The following HSD17B12 variants were observed in gnomAD, a reference collection of about 807,000 sequenced individuals.
HSD17B12 encodes very-long-chain 3-oxoacyl-CoA reductase.
In HSD17B12, 32 loss-of-function variants were observed where a neutral mutation model predicts 39.3. That is an observed-to-expected ratio of 0.81 (90% CI 0.61 to 1.09). The LOEUF is 1.09. HSD17B12 is among the 50% of genes least tolerant of loss of function. HSD17B12 has a pLI of 0.00. For missense variants in HSD17B12, 342 were observed against 382.9 expected (o/e 0.89, Z 0.89); for synonymous variants, 150 against 146.7 (o/e 1.02, Z -0.16).
rs375456847 is a variant in HSD17B12 at position 43,838,398 on chromosome 11, G to C, written c.618G>C (p.Lys206Asn). 51 of 1,606,092 alleles carry C rather than the reference G, an allele frequency of 3.2e-5. No homozygotes were observed. Among genetic ancestry groups the C allele is most frequent in the Non-Finnish European group, 4.3e-5 (50 of 1,173,184 alleles). Residue 206 changes from lysine (K) to asparagine (N), a missense_variant and splice_region_variant, in exon 8 of 11, where the codon AAG becomes AAC. Coordinates refer to ENST00000278353, the MANE Select transcript of HSD17B12 (RefSeq NM_016142.3). ...VPLLTIYSAT[K>N]TFVDFFSQCL... Reference sequence around the variant, plus strand: ...TCTTGACCATCTATTCTGCAACCAAGGTAAAAAATATTTTCTTAAATCATG... The same window carrying C: ...TCTTGACCATCTATTCTGCAACCAACGTAAAAAATATTTTCTTAAATCATG...
At chr11:43,652,987 T>G in the HSD17B12 span, among the ~76,000 whole-genome samples, 3 of 152,118 alleles carry the variant, frequency 2.0e-5, no homozygotes, top group Non-Finnish European at 2.9e-5. Flanking sequence ...CAGCATTTTT[T>G]TTTCTTCCAG....
At chr11:43,700,363 AC>A (rs1203634875) in intron 1 of HSD17B12, among the ~76,000 whole-genome samples, 1 of 152,158 alleles carries the variant, frequency 6.6e-6, no homozygotes, top group African/African-American at 2.4e-5. Context: ...TGAATTACAA[AC>A]AAAAATGTAC....
the HSD17B12 span, among the ~76,000 whole-genome samples, chr11:43,630,938 G>T: frequency 6.6e-6 from 1 of 151,742 alleles, no homozygotes; most frequent in African/African-American, 2.4e-5. Flanking sequence ...TGGAGTAGCT[G>T]GGATTACAGG....
At chr11:43,810,255 A>C (rs1454625800) in intron 4 of HSD17B12, among the ~76,000 whole-genome samples, 1 of 151,920 alleles carries the variant, frequency 6.6e-6, no homozygotes, top group Non-Finnish European at 1.5e-5. Flanking sequence ...GAGGATTCTA[A>C]GTTCAGTGAG....
chr11:43,573,227 G>A, the HSD17B12 span, among the ~76,000 whole-genome samples: 1 of 152,214 alleles, frequency 6.6e-6, no homozygotes, highest in Non-Finnish European at 1.5e-5. Context: ...TGCTCAGACA[G>A]GAATTGGGCA....
At chr11:43,712,931 A>G (rs913935304) in intron 1 of HSD17B12, among the ~76,000 whole-genome samples, 1 of 152,202 alleles carries the variant, frequency 6.6e-6, no homozygotes. Flanking sequence ...GTGTTTCCAT[A>G]CTACCCGTTT....
chr11:43,572,577 G>A, the HSD17B12 span, among the ~76,000 whole-genome samples: 1 of 152,110 alleles, frequency 6.6e-6, no homozygotes, highest in African/African-American at 2.4e-5. Context: ...CTGTTTAAAC[G>A]TTATGGTCTC....
In HSD17B12 at chr11:43,686,595, GTTTTT is replaced by G. The variant is rs368909117; in HGVS notation, c.160+5621_160+5625del. 1.8e-3 allele frequency among the ~76,000 whole-genome samples: 232 copies of G among 131,998 alleles called. 1 individual carries two copies. The highest frequency in any genetic ancestry group is 6.2e-3 in the African/African-American group (220 of 35,256). 86.6% of individuals were successfully genotyped at this position (131,998 alleles called of 152,430 possible). On this transcript the variant is annotated intron_variant, in intron 1 of 10. Coordinates refer to ENST00000278353, the MANE Select transcript of HSD17B12 (RefSeq NM_016142.3). ...GACTAGCCCCCATTGCTCCCACCCT[GTTTTT>G]TTTTTTTTTTTTCCTGTTCTTTCTT...
chr11:43,727,603 C>T (rs921626512), intron 1 of HSD17B12, among the ~76,000 whole-genome samples: 5 of 151,818 alleles, frequency 3.3e-5, no homozygotes, highest in African/African-American at 1.2e-4. Context: ...TACAGGCACA[C>T]ACCACCCTAC....
the HSD17B12 span, among the ~76,000 whole-genome samples, chr11:43,613,768 GC>G: frequency 6.6e-6 from 1 of 151,856 alleles, no homozygotes; most frequent in African/African-American, 2.4e-5. Flanking sequence ...CTGGGTTCAA[GC>G]GATTCCCCTG....
At chr11:43,634,624 A>G in the HSD17B12 span, among the ~76,000 whole-genome samples, 1 of 152,176 alleles carries the variant, frequency 6.6e-6, no homozygotes, top group Non-Finnish European at 1.5e-5. Context: ...CTCCCCATGC[A>G]CACTGATTAT....
At chr11:43,685,751 C>T (rs949286140) in intron 1 of HSD17B12, among the ~76,000 whole-genome samples, 10 of 152,148 alleles carry the variant, frequency 6.6e-5, no homozygotes, top group East Asian at 3.8e-4. Flanking sequence ...GATGAGTACT[C>T]GGGAGTAGAT....
At chr11:43,754,945 G>A (rs934128653) in intron 3 of HSD17B12, 1 of 744,962 alleles carries the variant, frequency 1.3e-6, no homozygotes, top group Non-Finnish European at 2.4e-6. Flanking sequence ...CAACCAGATG[G>A]ATAAACCAAT....
At chr11:43,803,282 C>A (rs925556970) in intron 4 of HSD17B12, among the ~76,000 whole-genome samples, 3 of 152,070 alleles carry the variant, frequency 2.0e-5, no homozygotes, top group Admixed American at 2.0e-4. Flanking sequence ...GAATTTATAG[C>A]CCCATCAACT....
chr11:43,845,867 T>G (rs1380173301), intron 9 of HSD17B12, among the ~76,000 whole-genome samples: 1 of 152,228 alleles, frequency 6.6e-6, no homozygotes, highest in Non-Finnish European at 1.5e-5. Flanking sequence ...TTCCCCTAGA[T>G]GTAGCATCAG....
At chr11:43,629,388 T>C in the HSD17B12 span, among the ~76,000 whole-genome samples, 1 of 152,204 alleles carries the variant, frequency 6.6e-6, no homozygotes, top group Non-Finnish European at 1.5e-5. Context: ...TCTGGTTCAT[T>C]ATCTCTAAAT....
intron 9 of HSD17B12, among the ~76,000 whole-genome samples, chr11:43,841,772 T>A (rs1403110962): frequency 6.6e-6 from 1 of 152,194 alleles, no homozygotes; most frequent in East Asian, 1.9e-4. Context: ...CTACCCCACC[T>A]CTGTGCACGT....
intron 1 of HSD17B12, among the ~76,000 whole-genome samples, chr11:43,742,752 G>T (rs112886532): frequency 0.024 from 3,645 of 150,082 alleles, 65 homozygotes; most frequent in African/African-American, 0.049. Flanking sequence ...CAGTTTTTTT[G>T]TGTGTGTGTT....
At chr11:43,753,221 A>C (rs987497179) in intron 2 of HSD17B12, among the ~76,000 whole-genome samples, 5 of 152,082 alleles carry the variant, frequency 3.3e-5, no homozygotes, top group East Asian at 1.9e-4. Flanking sequence ...GAAATTCTTT[A>C]TTTATTCAAT....
Sources: gnomAD v4.1 joint callset for allele counts (sites outside exome capture counted in the v4.1 genomes callset) on GRCh38, gnomAD v4.1.1 for gene constraint, MANE v1.5 for transcripts, NCBI Gene and HGNC (gene_info 2026-07-23, HGNC 2026-07-21) for gene names.